Variants in CDC42BPA observed in about 807,000 individuals in gnomAD.
CDC42BPA encodes serine/threonine-protein kinase MRCK alpha.
Under a neutral mutation model 223.5 loss-of-function variants are expected in CDC42BPA, and 80 were observed. The ratio of observed to expected loss-of-function variants is 0.36; its 90% CI spans 0.30 to 0.43. The LOEUF is 0.43. CDC42BPA is among the 20% of genes least tolerant of loss of function. The pLI is 1.00. For synonymous variants in CDC42BPA, 694 were observed against 718.6 expected (o/e 0.97, Z 0.55); for missense variants, 1,743 against 2,099.9 (o/e 0.83, Z 3.32).
chr1:227,235,698 T>C (rs868076010), intron 2 of CDC42BPA, among the ~76,000 whole-genome samples: 1 of 152,182 alleles, frequency 6.6e-6, no homozygotes, highest in Admixed American at 6.5e-5. Flanking sequence ...ACCCTTTTAA[T>C]TTCCTAATAA....
chr1:227,120,283 T>TTGG (rs917441416), intron 11 of CDC42BPA, among the ~76,000 whole-genome samples: 7 of 152,162 alleles, frequency 4.6e-5, no homozygotes, highest in African/African-American at 1.4e-4. Flanking sequence ...TACTGCAGTG[T>TTGG]TGGTAAGCAT....
At chr1:227,283,639 C>G (rs72632807) in intron 1 of CDC42BPA, among the ~76,000 whole-genome samples, 7 of 151,992 alleles carry the variant, frequency 4.6e-5, no homozygotes, top group Admixed American at 4.6e-4. Flanking sequence ...GACAGAAGTA[C>G]GGAGGGTGGA....
chr1:227,233,481 TA>T (rs1266043036), intron 2 of CDC42BPA, among the ~76,000 whole-genome samples: 4 of 152,230 alleles, frequency 2.6e-5, no homozygotes, highest in Non-Finnish European at 4.4e-5. Flanking sequence ...GTTATTGGCA[TA>T]AATCCTTTAT....
chr1:227,157,966 T>C (rs916650973), intron 6 of CDC42BPA, among the ~76,000 whole-genome samples: 4 of 151,526 alleles, frequency 2.6e-5, no homozygotes, highest in African/African-American at 9.7e-5. Flanking sequence ...TTTTTTTTTT[T>C]TTCTTTTTTG....
intron 25 of CDC42BPA, 146 bp downstream of exon 25, chr1:227,035,325 A>G: frequency 1.6e-6 from 1 of 609,418 alleles, no homozygotes; most frequent in Non-Finnish European, 2.7e-6. Flanking sequence ...TTTGCAAATC[A>G]TTATTCTAGA....
intron 5 of CDC42BPA, among the ~76,000 whole-genome samples, chr1:227,171,428 G>A (rs563112238): frequency 1.4e-4 from 21 of 152,268 alleles, no homozygotes; most frequent in South Asian, 8.3e-4. Flanking sequence ...TATGACCAGC[G>A]TGAGCAACCT....
chr1:227,119,747 TA>T, intron 12 of CDC42BPA, 56 bp downstream of exon 12: 1 of 1,176,726 alleles, frequency 8.5e-7, no homozygotes, highest in Non-Finnish European at 1.2e-6. Context: ...TCAGTATTCT[TA>T]TTATACAAGA....
Position 227,175,157 on chromosome 1 carries a change from C to T in CDC42BPA, c.600-14521G>A, listed in dbSNP as rs374891777. On this transcript the variant is annotated intron_variant, in intron 5 of 36. Transcript: ENST00000366766. ...AGGAAATATATTTTCGTGTACATTCCATGCAATCATGACTGATATAACCCC... is the reference window on the plus strand; with the variant it reads ...AGGAAATATATTTTCGTGTACATTCTATGCAATCATGACTGATATAACCCC... 3.3e-5 allele frequency among the ~76,000 whole-genome samples: 5 copies of T among 151,982 alleles called. No homozygotes were observed. The East Asian group carries it at 9.6e-4, about 29-fold the overall frequency.
intron 1 of CDC42BPA, among the ~76,000 whole-genome samples, chr1:227,291,319 C>T (rs545392754): frequency 4.1e-4 from 62 of 152,198 alleles, no homozygotes; most frequent in South Asian, 1.7e-3. Context: ...GAGGCCGAAG[C>T]AGGCGGATCA....
At chr1:227,181,736 C>T (rs955560509) in intron 5 of CDC42BPA, among the ~76,000 whole-genome samples, 12 of 152,102 alleles carry the variant, frequency 7.9e-5, no homozygotes, top group African/African-American at 2.4e-4. Flanking sequence ...CAGCCTAATA[C>T]GTTCATGATA....
chr1:227,013,602 T>C (rs1280943909), intron 34 of CDC42BPA, among the ~76,000 whole-genome samples: 1 of 152,096 alleles, frequency 6.6e-6, no homozygotes, highest in African/African-American at 2.4e-5. Flanking sequence ...AGAGTAACAT[T>C]CTGTTAAACA....
At chr1:227,057,256 T>C (rs1674771921) in intron 21 of CDC42BPA, among the ~76,000 whole-genome samples, 1 of 152,180 alleles carries the variant, frequency 6.6e-6, no homozygotes, top group Non-Finnish European at 1.5e-5. Context: ...CTTAATACTA[T>C]TTATAAAGAA....
At chr1:227,219,178 C>G (rs1675396136) in intron 2 of CDC42BPA, 1 of 152,210 alleles carries the variant, frequency 6.6e-6, no homozygotes, top group Non-Finnish European at 1.5e-5. Context: ...ATTCTCCTTT[C>G]AGACCCTAGA....
intron 21 of CDC42BPA, among the ~76,000 whole-genome samples, chr1:227,067,081 C>T (rs994247744): frequency 6.6e-6 from 1 of 152,102 alleles, no homozygotes; most frequent in Non-Finnish European, 1.5e-5. Flanking sequence ...ACTAGGAGTT[C>T]CCTTGCAGTG....
At position 227,264,716 on chromosome 1, in the gene CDC42BPA, T is replaced by C. The variant is rs1045655738; in HGVS notation, c.179-10561A>G. Reference sequence around the variant, plus strand: ...AGGCTTTAACATGAGAAATAAAATATATGCCAGTCCATTATGTACATATTC... The same window carrying C: ...AGGCTTTAACATGAGAAATAAAATACATGCCAGTCCATTATGTACATATTC... On this transcript the variant is annotated intron_variant, in intron 1 of 36. Coordinates refer to ENST00000366766, the MANE Select transcript of CDC42BPA (RefSeq NM_001394014.1). The C allele has an allele frequency of 9.9e-6, 7 of 704,468 alleles. No individual in the cohort carries two copies. In the African/African-American group the frequency reaches 1.1e-4, roughly 11 times the overall value. 43.6% of individuals were successfully genotyped at this position (704,468 alleles called of 1,614,324 possible). A position where few individuals can be genotyped will look rare whatever the true frequency, so the allele number is the denominator to read the frequency against.
intron 34 of CDC42BPA, among the ~76,000 whole-genome samples, chr1:227,008,591 C>T (rs1208827817): frequency 1.3e-5 from 2 of 151,996 alleles, no homozygotes; most frequent in Non-Finnish European, 2.9e-5. Flanking sequence ...AGAAAGTTTG[C>T]AGCACTGAGC....
At chr1:227,079,023 A>G (rs922291451) in intron 17 of CDC42BPA, among the ~76,000 whole-genome samples, 2 of 152,150 alleles carry the variant, frequency 1.3e-5, no homozygotes, top group African/African-American at 4.8e-5. Flanking sequence ...TCTGTAAACT[A>G]AACTCAAAAA....
chr1:227,312,144 TTCTAG>T (rs1046276903), intron 1 of CDC42BPA, among the ~76,000 whole-genome samples: 15 of 152,366 alleles, frequency 9.8e-5, no homozygotes, highest in Admixed American at 9.2e-4. Flanking sequence ...ATATTTTCTA[TTCTAG>T]TCTTTAATTT....
At chr1:227,307,303 A>G (rs749994925) in intron 1 of CDC42BPA, among the ~76,000 whole-genome samples, 1 of 152,200 alleles carries the variant, frequency 6.6e-6, no homozygotes, top group African/African-American at 2.4e-5. Context: ...ATAAAGGCAA[A>G]CCTTCAAACC....
Sources: allele counts gnomAD v4.1 joint callset (sites outside exome capture counted in the v4.1 genomes callset), GRCh38; gene constraint gnomAD v4.1.1; transcripts MANE v1.5; gene names NCBI Gene and HGNC (gene_info 2026-07-23, HGNC 2026-07-21).